POFUT2: variants seen among roughly 807,000 people sequenced by gnomAD.
The protein encoded by POFUT2 is protein O-fucosyltransferase 2.
POFUT2 carries 30 observed loss-of-function variants against 55.0 expected under a neutral mutation model. The ratio of observed to expected loss-of-function variants is 0.55; its 90% CI spans 0.41 to 0.74. POFUT2 has a LOEUF of 0.74. Ranked by LOEUF, POFUT2 falls within the 30% of genes least tolerant of loss-of-function variation. The pLI, the probability that POFUT2 is intolerant of heterozygous loss-of-function variation, is 0.00. For synonymous variants in POFUT2, 267 were observed against 231.1 expected (o/e 1.16, Z -1.41); for missense variants, 524 against 562.6 (o/e 0.93, Z 0.69).
chr21:45,287,729 A>G lies in POFUT2; in HGVS notation c.131+12T>C, dbSNP rs769778841. 1.3e-5 allele frequency: 15 copies of G among 1,192,468 alleles called. No individual in the cohort carries two copies. The Middle Eastern group carries it at 9.6e-4, about 76-fold the overall frequency. 73.9% of individuals were successfully genotyped at this position (1,192,468 alleles called of 1,614,324 possible). Reference sequence around the variant, plus strand: ...TGGAACCCCAGCGTTGGCACCGTGGACGCGCGTTTACCGTCTGCGGGAAGC... The same window carrying G: ...TGGAACCCCAGCGTTGGCACCGTGGGCGCGCGTTTACCGTCTGCGGGAAGC... On this transcript the variant is annotated intron_variant, in intron 1 of 8. Coordinates refer to ENST00000349485, the MANE Select transcript of POFUT2 (RefSeq NM_133635.6).
intron 6 of POFUT2, among the ~76,000 whole-genome samples, chr21:45,276,547 C>T (rs969678225): frequency 6.6e-6 from 1 of 152,198 alleles, no homozygotes; most frequent in African/African-American, 2.4e-5. Context: ...TCAGAAAACA[C>T]TTAAAAATAT....
rs779164011 is a variant in POFUT2, at chr21:45,285,379, C to A, written c.382+299G>T. ...AGGGAGCCGAGTCCTGTCACTATAACACCCAGGGGTGGCCGCTTTCTTAGG... is the reference window on the plus strand; with the variant it reads ...AGGGAGCCGAGTCCTGTCACTATAAAACCCAGGGGTGGCCGCTTTCTTAGG... On this transcript the variant is annotated intron_variant, in intron 2 of 8. Coordinates refer to ENST00000349485, the MANE Select transcript of POFUT2 (RefSeq NM_133635.6). This position sits in a 1 kb window ranked among gnomAD's most constrained non-coding sequence, Gnocchi z 4.9. 9 of 412,478 alleles carry A rather than the reference C, an allele frequency of 2.2e-5. No individual in the cohort carries two copies. Among genetic ancestry groups the A allele is most frequent in the South Asian group, 1.9e-4 (9 of 47,448 alleles). The allele number at this position is 412,478 out of a possible 1,614,324, so 25.6% of individuals were successfully genotyped here.
rs2093206554 is a variant in POFUT2 at position 45,270,178 on chromosome 21, G to A, written c.832-159C>T. The A allele has an allele frequency of 9.4e-6, 4 of 427,604 alleles. No individual in the cohort carries two copies. Among genetic ancestry groups the A allele is most frequent in the Middle Eastern group, 5.9e-4 (1 of 1,692 alleles). The allele number at this position is 427,604 out of a possible 1,614,324, so 26.5% of individuals were successfully genotyped here. A position where few individuals can be genotyped will look rare whatever the true frequency, so the allele number is the denominator to read the frequency against. ...GTCTAAGGGATTCAGGTGGAATCTC[G>A]GGGGCGACCAGATGTCTTTCTAAGA... is the stretch of plus-strand genomic sequence containing the variant. On this transcript the variant is annotated intron_variant, in intron 6 of 8. Transcript: ENST00000349485. This position sits in a 1 kb window ranked among gnomAD's most constrained non-coding sequence, Gnocchi z 4.6.
At chr21:45,274,752 C>G (rs2093248134) in intron 6 of POFUT2, among the ~76,000 whole-genome samples, 1 of 152,022 alleles carries the variant, frequency 6.6e-6, no homozygotes. Flanking sequence ...TATTGGCAGC[C>G]CACATGTAGA....
In POFUT2 at chr21:45,267,676, C is replaced by T. The variant is rs368536921; in HGVS notation, c.1050G>A (p.Val350=). The T allele has an allele frequency of 1.9e-6, 3 of 1,614,090 alleles. No homozygotes were observed. The highest frequency in any genetic ancestry group is 2.7e-5 in the African/African-American group (2 of 74,946). ...GCTCCTCCCACGTGGGTTCAAACCTCACCATCTCGGGTAACAGCTTTTTTA... is the reference window on the plus strand; with the variant it reads ...GCTCCTCCCACGTGGGTTCAAACCTTACCATCTCGGGTAACAGCTTTTTTA... The part of the protein sequence containing the change: ...EELKKLLPEM[V]RFEPTWEELE... The change falls in exon 8 of 9, where the codon GTG becomes GTA. Residue 350 remains valine (V), a synonymous_variant. Coordinates refer to ENST00000349485, the MANE Select transcript of POFUT2 (RefSeq NM_133635.6). This position sits in a 1 kb window ranked among gnomAD's most constrained non-coding sequence, Gnocchi z 4.4.
chr21:45,266,835 C>T (rs1242112585), intron 8 of POFUT2: 3 of 1,009,260 alleles, frequency 3.0e-6, no homozygotes, highest in Non-Finnish European at 3.6e-6. Context: ...CAGTGCTAAC[C>T]ACGGGGAAGA....
intron 3 of POFUT2, chr21:45,283,010 G>A (rs1003246507): frequency 5.6e-5 from 25 of 445,632 alleles, no homozygotes; most frequent in Non-Finnish European, 1.1e-4. Context: ...TGTTCATCAC[G>A]GCCCATTCTC....
rs1462562642 is a variant in POFUT2 at position 45,282,959 on chromosome 21, A to G, written c.527+424T>C. The stretch of plus-strand genomic sequence containing the variant: ...CATCCCTGTGGCAACATCCAAATGC[A>G]TGAAAAGACACAGGGAAAGAGGCAC... On this transcript the variant is annotated intron_variant, in intron 3 of 8. Transcript: ENST00000349485. The surrounding 1 kb of genome is among the most constrained non-coding windows in gnomAD (Gnocchi z 4.6). 4.2e-6 allele frequency: 2 copies of G among 471,880 alleles called. No homozygotes were observed. The highest frequency in any genetic ancestry group is 8.8e-6 in the Non-Finnish European group (2 of 227,812). The allele number at this position is 471,880 out of a possible 1,614,324, so 29.2% of individuals were successfully genotyped here. A position where few individuals can be genotyped will look rare whatever the true frequency, so the allele number is the denominator to read the frequency against.
Position 45,285,661 on chromosome 21 carries a change from G to A in POFUT2, c.382+17C>T, listed in dbSNP as rs752535323. The A allele has an allele frequency of 9.9e-6, 16 of 1,613,364 alleles. No homozygotes were observed. The highest frequency in any genetic ancestry group is 1.3e-5 in the African/African-American group (1 of 75,036). ...AGTTAAGCAACCACGGCCTCCCAGCGTGCCGCTCGGCCTCACCTGCGATGA... is the reference window on the plus strand; with the variant it reads ...AGTTAAGCAACCACGGCCTCCCAGCATGCCGCTCGGCCTCACCTGCGATGA... On this transcript the variant is annotated intron_variant, in intron 2 of 8. Coordinates refer to ENST00000349485, the MANE Select transcript of POFUT2 (RefSeq NM_133635.6). This position sits in a 1 kb window ranked among gnomAD's most constrained non-coding sequence, Gnocchi z 4.9.
Position 45,267,557 on chromosome 21 carries a change from C to G in POFUT2, c.1136+33G>C, listed in dbSNP as rs1203824312. 15 of 1,614,038 alleles carry G rather than the reference C, an allele frequency of 9.3e-6. No homozygotes were observed. Among genetic ancestry groups the G allele is most frequent in the Non-Finnish European group, 1.3e-5 (15 of 1,180,032 alleles). On this transcript the variant is annotated intron_variant, in intron 8 of 8. Coordinates refer to ENST00000349485, the MANE Select transcript of POFUT2 (RefSeq NM_133635.6). This position sits in a 1 kb window ranked among gnomAD's most constrained non-coding sequence, Gnocchi z 4.4. ...GAAGAACCTTTGAAAGCCACCCGAC[C>G]CGCTCTCGGCCGACAGTGACGTGGG...
At position 45,282,447 on chromosome 21, in the gene POFUT2, C is replaced by T; in HGVS notation, c.540G>A (p.Trp180Ter). The stretch of plus-strand genomic sequence containing the variant: ...TTAGACCCCTGGTCTCCTCATAACC[C>T]CAAAACCATCCTCTGGAAAACAAAA... ...DKHEYYRGWF[W>*]GYEETRGLNV... Residue 180 changes from tryptophan (W) to a stop codon, truncating the protein, a stop_gained, in exon 4 of 9, where the codon TGG becomes TGA. Coordinates refer to ENST00000349485, the MANE Select transcript of POFUT2 (RefSeq NM_133635.6). LOFTEE classifies it high-confidence loss of function. The surrounding 1 kb of genome is among the most constrained non-coding windows in gnomAD (Gnocchi z 4.6). 1 of 1,603,642 alleles carries T rather than the reference C, an allele frequency of 6.2e-7. No individual in the cohort carries two copies. The highest frequency in any genetic ancestry group is 8.5e-7 in the Non-Finnish European group (1 of 1,170,800).
chr21:45,286,003 C>A (rs1480118857), intron 1 of POFUT2, 75 bp from the exon 2 acceptor site: 1 of 1,391,774 alleles, frequency 7.2e-7, no homozygotes, highest in African/African-American at 1.4e-5. Flanking sequence ...GCTCACAAGT[C>A]TCAGCGCGTG....
At position 45,277,403 on chromosome 21, in the gene POFUT2, G is replaced by A; in HGVS notation, c.706-261C>T. 2.1e-6 allele frequency: 1 copy of A among 476,932 alleles called. No individual in the cohort carries two copies. Among genetic ancestry groups the A allele is most frequent in the South Asian group, 2.1e-5 (1 of 46,804 alleles). The allele number at this position is 476,932 out of a possible 1,614,324, so 29.5% of individuals were successfully genotyped here. A position where few individuals can be genotyped will look rare whatever the true frequency, so the allele number is the denominator to read the frequency against. On this transcript the variant is annotated intron_variant, in intron 5 of 8. Coordinates refer to ENST00000349485, the MANE Select transcript of POFUT2 (RefSeq NM_133635.6). The surrounding 1 kb of genome is among the most constrained non-coding windows in gnomAD (Gnocchi z 6.9). The stretch of plus-strand genomic sequence containing the variant: ...GCCGTGGGAAGCTGCGGCACACACT[G>A]GGCTCAGCTGGCCGTTGCCCCTGGC...
chr21:45,269,714 A>G (rs999018468), intron 7 of POFUT2, 125 bp downstream of exon 7: 11 of 857,090 alleles, frequency 1.3e-5, no homozygotes, highest in Middle Eastern at 3.0e-4. Context: ...TTATCTGCTG[A>G]CCTTCCCTCC....
At position 45,277,015 on chromosome 21, in the gene POFUT2, A is replaced by G; in HGVS notation, c.831+2T>C. On this transcript the variant is annotated splice_donor_variant, in intron 6 of 8. Transcript: ENST00000349485. LOFTEE classifies it high-confidence loss of function. The surrounding 1 kb of genome is among the most constrained non-coding windows in gnomAD (Gnocchi z 6.9). ...CTAATTAACAAAAGGGAGGGGGGCT[A>G]CCTTCATCTTCATCCAGTCCTCCTG... is the stretch of plus-strand genomic sequence containing the variant. The G allele has an allele frequency of 1.2e-6, 2 of 1,613,788 alleles. No individual in the cohort carries two copies. Among genetic ancestry groups the G allele is most frequent in the African/African-American group, 2.7e-5 (2 of 75,046 alleles).
Position 45,282,752 on chromosome 21 carries a change from A to T in POFUT2, c.528-293T>A, listed in dbSNP as rs764982659. The T allele has an allele frequency of 7.9e-5, 42 of 533,188 alleles. No individual in the cohort carries two copies. The highest frequency in any genetic ancestry group is 2.3e-4 in the Admixed American group (10 of 44,110). 33.0% of individuals were successfully genotyped at this position (533,188 alleles called of 1,614,324 possible). On this transcript the variant is annotated intron_variant, in intron 3 of 8. Coordinates refer to ENST00000349485, the MANE Select transcript of POFUT2 (RefSeq NM_133635.6). The surrounding 1 kb of genome is among the most constrained non-coding windows in gnomAD (Gnocchi z 4.6). ...GGCAGCCCTGTGCACCTTCAGGGCC[A>T]GCCTGGCTGTGACCGTCAGCCAAGT...
chr21:45,266,953 C>G (rs2093160823), intron 8 of POFUT2: 1 of 1,024,810 alleles, frequency 9.8e-7, no homozygotes, highest in Admixed American at 5.2e-5. Flanking sequence ...AACAGAGGCC[C>G]AGGCGTACCT....
intron 1 of POFUT2, among the ~76,000 whole-genome samples, chr21:45,286,543 A>G (rs1014792176): frequency 1.3e-5 from 2 of 152,256 alleles, no homozygotes; most frequent in South Asian, 4.1e-4. Flanking sequence ...AAAACTCCAC[A>G]GTGCATTCAT....
At chr21:45,276,476 CA>C (rs574868972) in intron 6 of POFUT2, among the ~76,000 whole-genome samples, 8 of 152,138 alleles carry the variant, frequency 5.3e-5, no homozygotes, top group Admixed American at 3.9e-4. Context: ...TGCTTAAAAA[CA>C]ATATCAAGTT....
Sources: allele counts gnomAD v4.1 joint callset (sites outside exome capture counted in the v4.1 genomes callset), GRCh38; gene constraint gnomAD v4.1.1; non-coding constraint Gnocchi (gnomAD v3.1); transcripts MANE v1.5; gene names NCBI Gene and HGNC (gene_info 2026-07-23, HGNC 2026-07-21).